Variants in RABGAP1L observed in about 807,000 individuals in gnomAD.
The protein encoded by RABGAP1L is RAB GTPase activating protein 1 like.
In RABGAP1L, 63 loss-of-function variants were observed where a neutral mutation model predicts 137.7. The ratio of observed to expected loss-of-function variants is 0.46; its 90% CI spans 0.37 to 0.56. The LOEUF is 0.56. RABGAP1L is among the 20% of genes least tolerant of loss of function. The pLI is 0.00. For missense variants in RABGAP1L, 1,095 were observed against 1,244.0 expected (o/e 0.88, Z 1.80); for synonymous variants, 431 against 433.7 (o/e 0.99, Z 0.08).
chr1:174,854,375 C>T (rs891932878), intron 19 of RABGAP1L, among the ~76,000 whole-genome samples: 1 of 151,988 alleles, frequency 6.6e-6, no homozygotes, highest in Non-Finnish European at 1.5e-5. Context: ...AGAGGCGTGC[C>T]CTTATTCATA....
At chr1:174,513,094 A>G (rs556979747) in intron 13 of RABGAP1L, among the ~76,000 whole-genome samples, 1 of 152,298 alleles carries the variant, frequency 6.6e-6, no homozygotes, top group Non-Finnish European at 1.5e-5. Flanking sequence ...AGTTGTTAAT[A>G]TTATAGCCAA....
intron 19 of RABGAP1L, among the ~76,000 whole-genome samples, chr1:174,917,735 C>T (rs1051178579): frequency 2.0e-5 from 3 of 151,976 alleles, no homozygotes; most frequent in African/African-American, 7.3e-5. Flanking sequence ...GAGTTCAAGA[C>T]CAGCCTGGCC....
rs567939401 is a variant in RABGAP1L, at chr1:174,420,897, G to C, written c.1710+26752G>C. On this transcript the variant is annotated intron_variant, in intron 13 of 25. Transcript: ENST00000681986. ...TCACCGTGTTCGCCAGGATGGTCTC[G>C]ATCTCCTGACTTCATGATCTGCCCT... 1.8e-4 allele frequency among the ~76,000 whole-genome samples: 28 copies of C among 152,072 alleles called. No homozygotes were observed. In the South Asian group the frequency reaches 2.1e-3, roughly 11 times the overall value.
At chr1:174,706,444 A>T (rs1377853593) in intron 17 of RABGAP1L, among the ~76,000 whole-genome samples, 2 of 152,176 alleles carry the variant, frequency 1.3e-5, no homozygotes, top group African/African-American at 4.8e-5. Context: ...TTTTTAAAAA[A>T]ACAAACCTAT....
chr1:174,358,979 A>G lies in RABGAP1L; in HGVS notation c.1466-12000A>G, dbSNP rs559701113. On this transcript the variant is annotated intron_variant, in intron 11 of 25. Transcript: ENST00000681986. ...CTAAGTGCTATGATGGTATGGGCCT[A>G]GGGGGGCAGTATTTAACCCAGCCAG... Among the ~76,000 whole-genome samples the G allele has an allele frequency of 1.1e-4, 17 of 152,282 alleles. No homozygotes were observed. In the South Asian group the frequency reaches 3.5e-3, roughly 32 times the overall value.
intron 19 of RABGAP1L, among the ~76,000 whole-genome samples, chr1:174,814,308 A>G (rs977425548): frequency 1.3e-5 from 2 of 152,186 alleles, no homozygotes; most frequent in Non-Finnish European, 2.9e-5. Flanking sequence ...TAATAATTTA[A>G]TAATTTGTAA....
chr1:174,255,905 T>C (rs898326682), intron 7 of RABGAP1L, among the ~76,000 whole-genome samples: 2 of 152,240 alleles, frequency 1.3e-5, no homozygotes, highest in East Asian at 3.8e-4. Flanking sequence ...GTGAGTTAAA[T>C]ACATCGTGGC....
chr1:174,460,259 T>C (rs1244688307), intron 13 of RABGAP1L, among the ~76,000 whole-genome samples: 2 of 152,020 alleles, frequency 1.3e-5, no homozygotes, highest in Non-Finnish European at 2.9e-5. Flanking sequence ...TTCATTTAGT[T>C]ATTTTTATTT....
At chr1:174,962,039 G>A (rs935279563) in intron 20 of RABGAP1L, among the ~76,000 whole-genome samples, 1 of 150,512 alleles carries the variant, frequency 6.6e-6, no homozygotes, top group African/African-American at 2.4e-5. Flanking sequence ...GCCAGGCGTG[G>A]TGGTGGGCAC....
chr1:174,973,567 T>C (rs1574050869), intron 21 of RABGAP1L, among the ~76,000 whole-genome samples: 3 of 152,098 alleles, frequency 2.0e-5, no homozygotes, highest in Middle Eastern at 3.4e-3. Flanking sequence ...GTATTTTTAA[T>C]AGAGACGGGG....
chr1:174,774,693 A>G (rs958499374), intron 18 of RABGAP1L, among the ~76,000 whole-genome samples: 1 of 152,130 alleles, frequency 6.6e-6, no homozygotes. Context: ...AAGCCTGGGC[A>G]ACATAGAGAG....
chr1:174,978,996 T>C (rs1452141929), intron 23 of RABGAP1L, 106 bp downstream of exon 23: 1 of 1,319,380 alleles, frequency 7.6e-7, no homozygotes, highest in Non-Finnish European at 9.7e-7. Context: ...CTGAGCAACA[T>C]AGCAGGACCC....
intron 18 of RABGAP1L, among the ~76,000 whole-genome samples, chr1:174,787,420 AAT>A (rs1477974774): frequency 6.4e-4 from 92 of 144,520 alleles, no homozygotes; most frequent in Admixed American, 1.1e-3. Flanking sequence ...AAAAAAAAAA[AAT>A]AAGAGAAAGT....
intron 17 of RABGAP1L, 28 bp downstream of exon 17, chr1:174,702,284 C>T: frequency 6.5e-7 from 1 of 1,543,058 alleles, no homozygotes; most frequent in Non-Finnish European, 8.8e-7. Flanking sequence ...TTTCACTAAG[C>T]CAAAATAGAA....
At chr1:174,385,669 A>T (rs1460437237) in intron 12 of RABGAP1L, among the ~76,000 whole-genome samples, 1 of 152,206 alleles carries the variant, frequency 6.6e-6, no homozygotes, top group Non-Finnish European at 1.5e-5. Context: ...AGAAAGTACA[A>T]CCAGTGAGGT....
In RABGAP1L at chr1:174,278,461, T is replaced by C. The variant is rs965301997; in HGVS notation, c.1157-152T>C. Reference sequence around the variant, plus strand: ...CATGCTTGGAGTACTTGCATACTTATTTAATCAAAATGTGAATAGAACAGT... The same window carrying C: ...CATGCTTGGAGTACTTGCATACTTACTTAATCAAAATGTGAATAGAACAGT... On this transcript the variant is annotated intron_variant, in intron 9 of 25. Transcript: ENST00000681986. The C allele has an allele frequency of 2.0e-5, 12 of 602,000 alleles. No individual in the cohort carries two copies. The African/African-American group carries it at 2.1e-4, about 11-fold the overall frequency. The allele number at this position is 602,000 out of a possible 1,614,324, so 37.3% of individuals were successfully genotyped here.
chr1:174,647,227 A>G lies in RABGAP1L; in HGVS notation c.1824+9739A>G, dbSNP rs574336327. Among the ~76,000 whole-genome samples, 3 of 152,248 alleles carry G rather than the reference A, an allele frequency of 2.0e-5. 1 individual carries two copies. Among genetic ancestry groups the G allele is most frequent in the African/African-American group, 7.2e-5 (3 of 41,514 alleles). ...TTTCTCTTGCCTGATTTCCCTGGCC[A>G]GAACTTCCAATATTGTGTTGAATAG... On this transcript the variant is annotated intron_variant, in intron 14 of 25. Transcript: ENST00000681986.
chr1:174,584,257 G>A (rs1668951593), intron 13 of RABGAP1L, among the ~76,000 whole-genome samples: 1 of 152,122 alleles, frequency 6.6e-6, no homozygotes, highest in Non-Finnish European at 1.5e-5. Context: ...CAGTCTGTGG[G>A]TAAAAATTAT....
chr1:174,416,361 C>T (rs1650593799), intron 13 of RABGAP1L, among the ~76,000 whole-genome samples: 1 of 151,922 alleles, frequency 6.6e-6, no homozygotes, highest in South Asian at 2.1e-4. Context: ...TGGACTCCAT[C>T]TTGTAGCATC....
Sources: gnomAD v4.1 joint callset for allele counts (sites outside exome capture counted in the v4.1 genomes callset) on GRCh38, gnomAD v4.1.1 for gene constraint, MANE v1.5 for transcripts, NCBI Gene and HGNC (gene_info 2026-07-23, HGNC 2026-07-21) for gene names.